Variants in FMNL2 observed in about 807,000 individuals in gnomAD.
FMNL2 encodes the protein formin-like protein 2.
A neutral mutation model predicts 130.2 loss-of-function variants in FMNL2; 51 were observed. That is an observed-to-expected ratio of 0.39 (90% CI 0.31 to 0.49). The LOEUF (loss-of-function observed/expected upper bound fraction) is 0.49, where lower values mean the gene tolerates loss of function less well. Ranked by LOEUF, FMNL2 falls within the 20% of genes least tolerant of loss-of-function variation. The pLI, the probability that FMNL2 is intolerant of heterozygous loss-of-function variation, is 0.85. For synonymous variants in FMNL2, 465 were observed against 467.1 expected (o/e 1.00, Z 0.06); for missense variants, 977 against 1,316.2 (o/e 0.74, Z 3.99).
chr2:152,537,261 A>T (rs1694042322), intron 2 of FMNL2, among the ~76,000 whole-genome samples: 1 of 152,224 alleles, frequency 6.6e-6, no homozygotes, highest in Non-Finnish European at 1.5e-5. Context: ...ACAATGGTCT[A>T]GTTTCCCACC....
Position 152,335,574 on chromosome 2 carries a change from A to T in FMNL2, c.-30A>T. ...TCCGACGCGCACGCTAGGGGCCCGG[A>T]GCAGCCCCCGGCCCCGGCGCGCCGC... is the stretch of plus-strand genomic sequence containing the variant. On this transcript the variant is annotated 5_prime_UTR_variant, in exon 1 of 26. Coordinates refer to ENST00000288670, the MANE Select transcript of FMNL2 (RefSeq NM_052905.4). 6.5e-7 allele frequency: 1 copy of T among 1,549,414 alleles called. No homozygotes were observed. The highest frequency in any genetic ancestry group is 8.8e-7 in the Non-Finnish European group (1 of 1,138,766).
At chr2:152,408,869 TG>T (rs1345844549) in intron 1 of FMNL2, among the ~76,000 whole-genome samples, 38 of 152,342 alleles carry the variant, frequency 2.5e-4, no homozygotes, top group African/African-American at 8.9e-4. Flanking sequence ...ATATCGCTTT[TG>T]CACCATTGTA....
intron 1 of FMNL2, among the ~76,000 whole-genome samples, chr2:152,404,223 C>T (rs968737726): frequency 1.3e-5 from 2 of 152,156 alleles, no homozygotes; most frequent in Non-Finnish European, 2.9e-5. Context: ...AATGCATCTT[C>T]AATGAATGTA....
At chr2:152,561,648 A>C (rs1695536882) in intron 6 of FMNL2, among the ~76,000 whole-genome samples, 1 of 150,188 alleles carries the variant, frequency 6.7e-6, no homozygotes, top group Non-Finnish European at 1.5e-5. Flanking sequence ...ATCTTGGCTC[A>C]CTGCACCCTC....
chr2:152,477,838 G>A (rs1031329507), intron 1 of FMNL2, among the ~76,000 whole-genome samples: 7 of 151,976 alleles, frequency 4.6e-5, no homozygotes, highest in South Asian at 2.1e-4. Context: ...TAGGTAATAC[G>A]TGGTGTATAT....
chr2:152,428,443 C>G (rs1481100298), intron 1 of FMNL2, among the ~76,000 whole-genome samples: 1 of 152,146 alleles, frequency 6.6e-6, no homozygotes, highest in African/African-American at 2.4e-5. Context: ...TGGGTTATTG[C>G]TCTTTGTGTT....
rs1683286100 is a variant in FMNL2 at position 152,643,576 on chromosome 2, C to A, written c.3169+2662C>A. On this transcript the variant is annotated intron_variant, in intron 25 of 25. Coordinates refer to ENST00000288670, the MANE Select transcript of FMNL2 (RefSeq NM_052905.4). ...ACAGGTTTTTTGATGTCTTATGTCCCCCTCTGTGTGTCTGTCAGGGCCCAC... is the reference window on the plus strand; with the variant it reads ...ACAGGTTTTTTGATGTCTTATGTCCACCTCTGTGTGTCTGTCAGGGCCCAC... The A allele has an allele frequency of 1.2e-5, 19 of 1,530,890 alleles. No individual in the cohort carries two copies. In the South Asian group the frequency reaches 2.1e-4, roughly 17 times the overall value. 94.8% of individuals were successfully genotyped at this position (1,530,890 alleles called of 1,614,324 possible).
intron 25 of FMNL2, among the ~76,000 whole-genome samples, chr2:152,646,842 TTCA>T (rs1683630216): frequency 6.6e-6 from 1 of 152,338 alleles, no homozygotes; most frequent in East Asian, 1.9e-4. Flanking sequence ...ATGCCCTGAC[TTCA>T]TCAAAGGGAG....
rs113920777 is a variant in FMNL2, at chr2:152,367,081, T to G, written c.117+31361T>G. On this transcript the variant is annotated intron_variant, in intron 1 of 25. Coordinates refer to ENST00000288670, the MANE Select transcript of FMNL2 (RefSeq NM_052905.4). Reference sequence around the variant, plus strand: ...TTATTGTGTGTGTGTGTGTTTGTTTTTTTTTTTTTTCCCAGATGGGGTCTT... The same window carrying G: ...TTATTGTGTGTGTGTGTGTTTGTTTGTTTTTTTTTTCCCAGATGGGGTCTT... 1.9e-3 allele frequency among the ~76,000 whole-genome samples: 291 copies of G among 151,570 alleles called. 1 individual carries two copies. The highest frequency in any genetic ancestry group is 6.1e-3 in the African/African-American group (254 of 41,454).
At chr2:152,625,619 G>A (rs1482635281) in intron 16 of FMNL2, 57 bp downstream of exon 16, 1 of 1,544,972 alleles carries the variant, frequency 6.5e-7, no homozygotes, top group Non-Finnish European at 8.8e-7. Context: ...AAGCCGGCAT[G>A]GGTGTTCTGT....
rs536154148 is a variant in FMNL2 at position 152,629,547 on chromosome 2, T to A, written c.2401-109T>A. On this transcript the variant is annotated intron_variant, in intron 18 of 25. Coordinates refer to ENST00000288670, the MANE Select transcript of FMNL2 (RefSeq NM_052905.4). The stretch of plus-strand genomic sequence containing the variant: ...GTAGACTCTCACCATGAAGCCTGTA[T>A]GCTCTAAATGCAGGCCTGTTTTCTT... 4 of 939,370 alleles carry A rather than the reference T, an allele frequency of 4.3e-6. No individual in the cohort carries two copies. In the African/African-American group the frequency reaches 6.7e-5, roughly 16 times the overall value. 58.2% of individuals were successfully genotyped at this position (939,370 alleles called of 1,614,324 possible).
intron 9 of FMNL2, among the ~76,000 whole-genome samples, chr2:152,599,128 T>C (rs1697911515): frequency 1.3e-5 from 2 of 152,208 alleles, no homozygotes; most frequent in Non-Finnish European, 2.9e-5. Context: ...CCCAGCCACA[T>C]TGGAGAGGGA....
intron 9 of FMNL2, among the ~76,000 whole-genome samples, chr2:152,597,608 G>A (rs1697836374): frequency 6.6e-6 from 1 of 152,216 alleles, no homozygotes. Flanking sequence ...CTTGATGCAT[G>A]CTATGGCACT....
chr2:152,448,882 C>A (rs1021322790), intron 1 of FMNL2, among the ~76,000 whole-genome samples: 2 of 152,244 alleles, frequency 1.3e-5, no homozygotes, highest in African/African-American at 4.8e-5. Context: ...CTCTCATGCT[C>A]TTGTCCCTTG....
chr2:152,558,637 T>G (rs1011956585), intron 4 of FMNL2, 103 bp from the exon 5 acceptor site: 24 of 1,027,420 alleles, frequency 2.3e-5, no homozygotes, highest in Non-Finnish European at 3.5e-5. Flanking sequence ...TTTCAGGCAA[T>G]GAAAGTTTCT....
At chr2:152,399,286 G>C (rs1685558021) in intron 1 of FMNL2, among the ~76,000 whole-genome samples, 1 of 152,230 alleles carries the variant, frequency 6.6e-6, no homozygotes, top group Admixed American at 6.5e-5. Flanking sequence ...TCTGAGGGTG[G>C]AGGAGTAGAA....
intron 9 of FMNL2, 22 bp downstream of exon 9, chr2:152,581,071 A>G (rs1436962220): frequency 1.3e-6 from 2 of 1,587,384 alleles, no homozygotes; most frequent in Non-Finnish European, 1.7e-6. Flanking sequence ...TATAGTTTTC[A>G]TAAGAATACT....
In FMNL2 at chr2:152,626,876, G is replaced by GA; in HGVS notation, c.2165+151dup. On this transcript the variant is annotated intron_variant, in intron 17 of 25. Transcript: ENST00000288670. ...TTTGATATCCACACTTGAGAGATCTGAACTCTGTGTGTGCTACTTCAAAGT... is the reference window on the plus strand; with the variant it reads ...TTTGATATCCACACTTGAGAGATCTGAAACTCTGTGTGTGCTACTTCAAAGT... The GA allele has an allele frequency of 4.9e-6, 4 of 821,666 alleles. No individual in the cohort carries two copies. The South Asian group carries it at 7.6e-5, about 16-fold the overall frequency. The allele number at this position is 821,666 out of a possible 1,614,324, so 50.9% of individuals were successfully genotyped here. A position where few individuals can be genotyped will look rare whatever the true frequency, so the allele number is the denominator to read the frequency against.
Position 152,637,621 on chromosome 2 carries a change from A to G in FMNL2, c.2893A>G (p.Thr965Ala). Residue 965 changes from threonine to alanine, a missense_variant, in exon 23 of 26, where the codon ACA becomes GCA. Transcript: ENST00000288670. Reference protein sequence around the residue: ...VKYFGENPKTTPPSVFFPVFV... With the variant: ...VKYFGENPKTAPPSVFFPVFV... ...GTATTTTGGAGAAAACCCCAAGACA[A>G]CACCACCCTCTGTCTTCTTTCCTGT... 2.5e-6 allele frequency: 4 copies of G among 1,613,982 alleles called. No individual in the cohort carries two copies. Among genetic ancestry groups the G allele is most frequent in the South Asian group, 1.1e-5 (1 of 91,070 alleles).
Sources: gnomAD v4.1 joint callset for allele counts (sites outside exome capture counted in the v4.1 genomes callset) on GRCh38, gnomAD v4.1.1 for gene constraint, MANE v1.5 for transcripts, NCBI Gene and HGNC (gene_info 2026-07-23, HGNC 2026-07-21) for gene names.